The following ABLIM2 variants were observed in gnomAD, a reference collection of about 807,000 sequenced individuals.
ABLIM2 encodes the protein actin binding LIM protein family member 2.
A neutral mutation model predicts 97.7 loss-of-function variants in ABLIM2; 53 were observed. The observed-to-expected ratio is 0.54, with a 90% CI of 0.44 to 0.68. The LOEUF (loss-of-function observed/expected upper bound fraction) is 0.68. ABLIM2 is among the 30% of genes least tolerant of loss of function. The pLI, the probability that ABLIM2 is intolerant of heterozygous loss-of-function variation, is 0.00. For synonymous variants in ABLIM2, 361 were observed against 345.8 expected (o/e 1.04, Z -0.49); for missense variants, 835 against 867.2 (o/e 0.96, Z 0.47).
chr4:7,983,389 A>C lies in ABLIM2; in HGVS notation c.1744-45T>G, dbSNP rs369413327. On this transcript the variant is annotated intron_variant, in intron 19 of 20. Transcript: ENST00000447017. ...CAGGGTCACCTCACGAAGCAAGTGT[A>C]TGCTGGCACCAAAGAACTGAGCAGA... The C allele has an allele frequency of 1.3e-5, 20 of 1,595,156 alleles. No individual in the cohort carries two copies. The African/African-American group carries it at 2.5e-4, about 20-fold the overall frequency.
chr4:8,040,073 T>A (rs1574131), intron 9 of ABLIM2, among the ~76,000 whole-genome samples: 1 of 151,820 alleles, frequency 6.6e-6, no homozygotes, highest in Non-Finnish European at 1.5e-5. Flanking sequence ...TGCAGCCACT[T>A]GGTGGATTCT....
chr4:8,158,710 G>T lies in ABLIM2; in HGVS notation c.-21C>A. On this transcript the variant is annotated 5_prime_UTR_variant, in exon 1 of 21. Coordinates refer to ENST00000447017, the MANE Select transcript of ABLIM2 (RefSeq NM_001130083.2). ...CTCATCTCAGCAGCCGCTCGGAGTC[G>T]GGGCGGCCCGGCGCTGCGACAGCCA... is the stretch of plus-strand genomic sequence containing the variant. The T allele has an allele frequency of 2.1e-6, 3 of 1,448,096 alleles. No individual in the cohort carries two copies. The highest frequency in any genetic ancestry group is 2.7e-6 in the Non-Finnish European group (3 of 1,101,084). The allele number at this position is 1,448,096 out of a possible 1,614,324, so 89.7% of individuals were successfully genotyped here. A position where few individuals can be genotyped will look rare whatever the true frequency, so the allele number is the denominator to read the frequency against.
Position 7,996,914 on chromosome 4 carries a change from T to C in ABLIM2, c.1619-3987A>G, listed in dbSNP as rs562834576. 6.6e-6 allele frequency among the ~76,000 whole-genome samples: 1 copy of C among 152,306 alleles called. No individual in the cohort carries two copies. Among genetic ancestry groups the C allele is most frequent in the Non-Finnish European group, 1.5e-5 (1 of 68,028 alleles). On this transcript the variant is annotated intron_variant, in intron 16 of 20. Transcript: ENST00000447017. The surrounding 1 kb of genome is among the most constrained non-coding windows in gnomAD (Gnocchi z 4.5). ...CTCTCTGGTTGCTTTCAACATTTTT[T>C]TCTTTGTCCTTAATTTTCAGAAATT... is the stretch of plus-strand genomic sequence containing the variant.
chr4:8,037,838 G>A lies in ABLIM2; in HGVS notation c.901-1543C>T, dbSNP rs376356337. On this transcript the variant is annotated intron_variant, in intron 9 of 20. Coordinates refer to ENST00000447017, the MANE Select transcript of ABLIM2 (RefSeq NM_001130083.2). ...GGCCCACAGTGGCGCTCCTGCCCTT[G>A]CTGAATGAATGCGGGACGCTGGGAG... is the stretch of plus-strand genomic sequence containing the variant. Among the ~76,000 whole-genome samples the A allele has an allele frequency of 1.7e-3, 259 of 152,358 alleles. 1 individual carries two copies. The highest frequency in any genetic ancestry group is 6.0e-3 in the African/African-American group (250 of 41,586).
At chr4:8,040,981 G>C (rs1469668110) in intron 9 of ABLIM2, among the ~76,000 whole-genome samples, 2 of 152,244 alleles carry the variant, frequency 1.3e-5, no homozygotes, top group Non-Finnish European at 2.9e-5. Context: ...GAGGCCAAGA[G>C]GAAGCAGCAT....
chr4:7,989,174 C>A (rs945518960), intron 17 of ABLIM2, among the ~76,000 whole-genome samples: 1 of 150,824 alleles, frequency 6.6e-6, no homozygotes, highest in Admixed American at 6.6e-5. Flanking sequence ...CTCTGCCTCC[C>A]AGGTTCAAGC....
chr4:8,091,330 T>TTA (rs1554069046), intron 3 of ABLIM2, among the ~76,000 whole-genome samples: 5,116 of 46,658 alleles, frequency 0.11, 800 homozygotes, highest in African/African-American at 0.22. Flanking sequence ...TATATATATA[T>TTA]TATATATATA....
Position 8,071,738 on chromosome 4 carries a change from G to A in ABLIM2, c.675+5890C>T, listed in dbSNP as rs961729194. 10 of 961,514 alleles carry A rather than the reference G, an allele frequency of 1.0e-5. No individual in the cohort carries two copies. In the South Asian group the frequency reaches 4.4e-4, roughly 42 times the overall value. The allele number at this position is 961,514 out of a possible 1,614,324, so 59.6% of individuals were successfully genotyped here. A position where few individuals can be genotyped will look rare whatever the true frequency, so the allele number is the denominator to read the frequency against. On this transcript the variant is annotated intron_variant, in intron 6 of 20. Transcript: ENST00000447017. This position sits in a 1 kb window ranked among gnomAD's most constrained non-coding sequence, Gnocchi z 6.2. ...TCCTGGCCCCTGTGAGCCCCCATCAGCCCCTTGGAGTTGCGGGCCAGGTTT... is the reference window on the plus strand; with the variant it reads ...TCCTGGCCCCTGTGAGCCCCCATCAACCCCTTGGAGTTGCGGGCCAGGTTT...
At chr4:8,078,293 G>A (rs1817599426) in intron 5 of ABLIM2, among the ~76,000 whole-genome samples, 1 of 152,196 alleles carries the variant, frequency 6.6e-6, no homozygotes. Flanking sequence ...CTTCCGCAGT[G>A]CAGGAAAGAG....
rs571317183 is a variant in ABLIM2, at chr4:8,128,078, A to G, written c.11-21441T>C. Among the ~76,000 whole-genome samples, 2 of 152,300 alleles carry G rather than the reference A, an allele frequency of 1.3e-5. No homozygotes were observed. The highest frequency in any genetic ancestry group is 4.8e-5 in the African/African-American group (2 of 41,570). On this transcript the variant is annotated intron_variant, in intron 1 of 20. Transcript: ENST00000447017. This position sits in a 1 kb window ranked among gnomAD's most constrained non-coding sequence, Gnocchi z 4.9. ...GCAGGACCCTGCTCTTCACAGGGGTATAGGGAGCTCAGGCTGCCTCTTCCC... is the reference window on the plus strand; with the variant it reads ...GCAGGACCCTGCTCTTCACAGGGGTGTAGGGAGCTCAGGCTGCCTCTTCCC...
At position 8,061,322 on chromosome 4, in the gene ABLIM2, G is replaced by A. The variant is rs545591176; in HGVS notation, c.676-268C>T. Among the ~76,000 whole-genome samples, 12 of 152,260 alleles carry A rather than the reference G, an allele frequency of 7.9e-5. No individual in the cohort carries two copies. The highest frequency in any genetic ancestry group is 3.9e-4 in the East Asian group (2 of 5,156). On this transcript the variant is annotated intron_variant, in intron 6 of 20. Transcript: ENST00000447017. This position sits in a 1 kb window ranked among gnomAD's most constrained non-coding sequence, Gnocchi z 4.5. ...GGAGCCCAGCATGCAGCTCCCTGCC[G>A]GGGTAGTCCAGGAGGGGTCAGCCTC...
chr4:8,064,289 T>C (rs6832096), intron 6 of ABLIM2, among the ~76,000 whole-genome samples: 1 of 152,150 alleles, frequency 6.6e-6, no homozygotes, highest in South Asian at 2.1e-4. Flanking sequence ...TCTAATCACC[T>C]GTGTGGCAGT....
Position 8,085,203 on chromosome 4 carries a change from C to T in ABLIM2, c.454+2966G>A, listed in dbSNP as rs565990077. Among the ~76,000 whole-genome samples, 10 of 152,226 alleles carry T rather than the reference C, an allele frequency of 6.6e-5. No individual in the cohort carries two copies. Among genetic ancestry groups the T allele is most frequent in the Non-Finnish European group, 1.3e-4 (9 of 67,988 alleles). On this transcript the variant is annotated intron_variant, in intron 4 of 20. Coordinates refer to ENST00000447017, the MANE Select transcript of ABLIM2 (RefSeq NM_001130083.2). This position sits in a 1 kb window ranked among gnomAD's most constrained non-coding sequence, Gnocchi z 6.1. Reference sequence around the variant, plus strand: ...CTGCCTCAAGAGCCAGCCACTCTCCCCTCCCCAGGGAGGGGCAGCCACACA... The same window carrying T: ...CTGCCTCAAGAGCCAGCCACTCTCCTCTCCCCAGGGAGGGGCAGCCACACA...
chr4:8,144,953 G>C (rs567039679), intron 1 of ABLIM2, among the ~76,000 whole-genome samples: 2 of 152,220 alleles, frequency 1.3e-5, no homozygotes, highest in African/African-American at 4.8e-5. Flanking sequence ...CTGGGGAGGC[G>C]GCAGCACTGA....
intron 1 of ABLIM2, among the ~76,000 whole-genome samples, chr4:8,151,915 G>A (rs1712985323): frequency 6.6e-6 from 1 of 152,112 alleles, no homozygotes. Flanking sequence ...TGGGCTCAAT[G>A]TGGTGAAAGT....
chr4:8,142,381 G>C (rs1159889543), intron 1 of ABLIM2, among the ~76,000 whole-genome samples: 2 of 152,208 alleles, frequency 1.3e-5, no homozygotes, highest in Admixed American at 6.5e-5. Context: ...GTGCAGCCCA[G>C]GGGGTGCACT....
At chr4:8,009,000 T>C (rs1395238616) in intron 15 of ABLIM2, 50 bp downstream of exon 15, 1 of 1,608,938 alleles carries the variant, frequency 6.2e-7, no homozygotes, top group Admixed American at 1.7e-5. Flanking sequence ...ACAAAAGCAA[T>C]TTCTTTCTGA....
rs190133575 is a variant in ABLIM2, at chr4:8,133,238, A to G, written c.10+25442T>C. On this transcript the variant is annotated intron_variant, in intron 1 of 20. Transcript: ENST00000447017. The stretch of plus-strand genomic sequence containing the variant: ...TCATCTGGACGAGTTCCATCCCGCA[A>G]TGACCCTACCACCAAGTAAGGTCAC... Among the ~76,000 whole-genome samples the G allele has an allele frequency of 1.8e-4, 27 of 152,254 alleles. No individual in the cohort carries two copies. In the South Asian group the frequency reaches 3.9e-3, roughly 22 times the overall value.
chr4:8,091,475 ATATAATATTT>A, intron 3 of ABLIM2, among the ~76,000 whole-genome samples: 1 of 47,818 alleles, frequency 2.1e-5, no homozygotes, highest in Non-Finnish European at 4.1e-5. Context: ...TATATATAAT[ATATAATATTT>A]TATATTTTAT....
Sources: gnomAD v4.1 joint callset for allele counts (sites outside exome capture counted in the v4.1 genomes callset) on GRCh38, gnomAD v4.1.1 for gene constraint, Gnocchi (gnomAD v3.1) non-coding constraint, MANE v1.5 for transcripts, NCBI Gene and HGNC (gene_info 2026-07-23, HGNC 2026-07-21) for gene names.